Variants in NINL observed in about 807,000 individuals in gnomAD.
The protein encoded by NINL is ninein like.
In NINL, 153 loss-of-function variants were observed where a neutral mutation model predicts 160.3. The ratio of observed to expected loss-of-function variants is 0.95; its 90% CI spans 0.84 to 1.09. The LOEUF is 1.09. Among genes scored for constraint, NINL ranks in the 50% least tolerant of loss-of-function variants. The pLI, the probability that NINL is intolerant of heterozygous loss-of-function variation, is 0.00. For missense variants in NINL, 1,829 were observed against 1,764.0 expected, an observed-to-expected ratio of 1.04 and a Z score of -0.66; for synonymous variants, 800 against 734.8, an observed-to-expected ratio of 1.09 and a Z score of -1.43.
chr20:25,498,793 AGGG>A (rs1399643010), intron 8 of NINL, among the ~76,000 whole-genome samples: 1 of 152,190 alleles, frequency 6.6e-6, no homozygotes. Context: ...GGAGAGATGG[AGGG>A]GGTCCCCACA....
intron 17 of NINL, among the ~76,000 whole-genome samples, chr20:25,473,458 A>C (rs1168933328): frequency 6.7e-6 from 1 of 148,506 alleles, no homozygotes; most frequent in African/African-American, 2.5e-5. Context: ...TCTACAATGA[A>C]TAAAATAAAA....
At chr20:25,473,546 C>T (rs1009028329) in intron 17 of NINL, among the ~76,000 whole-genome samples, 48 of 132,440 alleles carry the variant, frequency 3.6e-4, no homozygotes, top group Non-Finnish European at 7.1e-4. Flanking sequence ...AGTGGCCAGG[C>T]CTGGTGGCTC....
At chr20:25,458,353 T>A in intron 22 of NINL, 30 bp downstream of exon 22, 1 of 1,603,280 alleles carries the variant, frequency 6.2e-7, no homozygotes, top group South Asian at 1.1e-5. Flanking sequence ...CCTCATCTCG[T>A]CAGCCATCTC....
At position 25,496,654 on chromosome 20, in the gene NINL, A is replaced by C. The variant is rs759346901; in HGVS notation, c.1310+9T>G. ...AGGTAAGAATCCACCACCTGGGCCC[A>C]GAACCCACTTGATTTTCTTCTCCGT... is the stretch of plus-strand genomic sequence containing the variant. On this transcript the variant is annotated intron_variant, in intron 10 of 23. Coordinates refer to ENST00000278886, the MANE Select transcript of NINL (RefSeq NM_025176.6). The C allele has an allele frequency of 3.1e-6, 5 of 1,609,424 alleles. No individual in the cohort carries two copies. The African/African-American group carries it at 4.2e-5, about 14-fold the overall frequency.
At chr20:25,540,070 T>G (rs980871405) in intron 1 of NINL, 2 of 1,282,830 alleles carry the variant, frequency 1.6e-6, no homozygotes, top group African/African-American at 3.0e-5. Flanking sequence ...CAAACTGAAT[T>G]ATTAATACTC....
At chr20:25,545,256 G>C (rs898826073) in intron 1 of NINL, among the ~76,000 whole-genome samples, 1 of 152,198 alleles carries the variant, frequency 6.6e-6, no homozygotes, top group African/African-American at 2.4e-5. Context: ...CATTTGAAGA[G>C]GAGTAGGGAC....
chr20:25,501,358 A>G (rs2063864175), intron 7 of NINL, among the ~76,000 whole-genome samples: 1 of 152,224 alleles, frequency 6.6e-6, no homozygotes, highest in Non-Finnish European at 1.5e-5. Flanking sequence ...TTGAATTCAC[A>G]AAGGCGGGAG....
chr20:25,496,614 G>C (rs767869115), intron 10 of NINL, 49 bp downstream of exon 10: 1 of 1,604,600 alleles, frequency 6.2e-7, no homozygotes, highest in African/African-American at 1.3e-5. Context: ...GCCCTCAAAG[G>C]GGCTGGGGAG....
In NINL at chr20:25,466,578, T is replaced by C. The variant is rs539982139; in HGVS notation, c.3423+811A>G. On this transcript the variant is annotated intron_variant, in intron 19 of 23. Coordinates refer to ENST00000278886, the MANE Select transcript of NINL (RefSeq NM_025176.6). ...AATTTGGGAGGCCAAGGCCAGCGGATAGCTTGAGGTCAGGAGTTCGAGACC... is the reference window on the plus strand; with the variant it reads ...AATTTGGGAGGCCAAGGCCAGCGGACAGCTTGAGGTCAGGAGTTCGAGACC... Among the ~76,000 whole-genome samples the C allele has an allele frequency of 6.6e-5, 10 of 152,054 alleles. No individual in the cohort carries two copies. The East Asian group carries it at 7.8e-4, about 12-fold the overall frequency.
chr20:25,530,221 A>C (rs1399580856), intron 1 of NINL, among the ~76,000 whole-genome samples: 1 of 152,244 alleles, frequency 6.6e-6, no homozygotes. Flanking sequence ...TCTAGAACAG[A>C]TGGGCGGTGA....
chr20:25,547,685 C>T (rs2147081073), intron 1 of NINL, among the ~76,000 whole-genome samples: 1 of 152,296 alleles, frequency 6.6e-6, no homozygotes, highest in Admixed American at 6.5e-5. Context: ...TTCCATTTTA[C>T]TTTTCACTTG....
intron 1 of NINL, among the ~76,000 whole-genome samples, chr20:25,557,571 T>C (rs2064882392): frequency 6.6e-6 from 1 of 151,866 alleles, no homozygotes. Context: ...CAGTATTAAT[T>C]ACCAAAGATA....
In NINL at chr20:25,491,513, CT is replaced by C; in HGVS notation, c.1322del (p.Gln441ArgfsTer7). Reference sequence around the variant, plus strand: ...GGAGGCTCAGCCTTTCCCGGTACCCCTGCTCCAGATGCCTGTAACATGTCAC... The same window carrying C: ...GGAGGCTCAGCCTTTCCCGGTACCCCGCTCCAGATGCCTGTAACATGTCAC... ...LTEKKIKHLE[Q>X]GYRERLSLLR... On this transcript the variant is annotated frameshift_variant, in exon 11 of 24. Coordinates refer to ENST00000278886, the MANE Select transcript of NINL (RefSeq NM_025176.6). LOFTEE classifies it high-confidence loss of function. 3 of 1,613,796 alleles carry C rather than the reference CT, an allele frequency of 1.9e-6. No homozygotes were observed. The highest frequency in any genetic ancestry group is 2.5e-6 in the Non-Finnish European group (3 of 1,179,848).
chr20:25,481,337 C>G (rs929263646), intron 14 of NINL, among the ~76,000 whole-genome samples: 42 of 152,304 alleles, frequency 2.8e-4, no homozygotes, highest in African/African-American at 1.0e-3. Flanking sequence ...CCACCCCATC[C>G]TCCAAAGGGA....
chr20:25,490,563 GAA>G (rs59001259), intron 11 of NINL, among the ~76,000 whole-genome samples: 21 of 79,770 alleles, frequency 2.6e-4, no homozygotes, highest in South Asian at 4.4e-4. Flanking sequence ...CCATCTCAAG[GAA>G]AAAAAAAAAA....
At chr20:25,505,151 G>A in intron 5 of NINL, 73 bp from the exon 6 acceptor site, 1 of 1,378,214 alleles carries the variant, frequency 7.3e-7, no homozygotes, top group African/African-American at 1.5e-5. Flanking sequence ...TTAGAAAGAA[G>A]GACGTTCTGC....
rs146471847 is a variant in NINL at position 25,559,215 on chromosome 20, G to A, written c.-12+26240C>T. On this transcript the variant is annotated intron_variant, in intron 1 of 23. Transcript: ENST00000278886. Reference sequence around the variant, plus strand: ...AGTCATTGGCTTGGGATAAGGCAGTGTGCTCAGCTCGGGGAGCAGAGGAAG... The same window carrying A: ...AGTCATTGGCTTGGGATAAGGCAGTATGCTCAGCTCGGGGAGCAGAGGAAG... Among the ~76,000 whole-genome samples the A allele has an allele frequency of 1.4e-3, 208 of 152,298 alleles. 1 individual carries two copies. Among genetic ancestry groups the A allele is most frequent in the African/African-American group, 4.7e-3 (196 of 41,562 alleles).
intron 1 of NINL, among the ~76,000 whole-genome samples, chr20:25,563,530 T>C (rs375099639): frequency 7.0e-4 from 106 of 152,238 alleles, no homozygotes; most frequent in African/African-American, 2.2e-3. Flanking sequence ...AAATGATACA[T>C]CTATATCCAA....
chr20:25,499,888 T>C (rs556932671), intron 8 of NINL, among the ~76,000 whole-genome samples: 12 of 124,380 alleles, frequency 9.6e-5, no homozygotes, highest in East Asian at 4.7e-4. Context: ...AGATTTATCA[T>C]AGGAAAAGCG....
Sources: allele counts gnomAD v4.1 joint callset (sites outside exome capture counted in the v4.1 genomes callset), GRCh38; gene constraint gnomAD v4.1.1; transcripts MANE v1.5; gene names NCBI Gene and HGNC (gene_info 2026-07-23, HGNC 2026-07-21).